The following GLIS3 variants were observed in gnomAD, a reference collection of about 807,000 sequenced individuals.
GLIS3 encodes zinc finger protein GLIS3.
Under a neutral mutation model 78.6 loss-of-function variants are expected in GLIS3, and 53 were observed. The ratio of observed to expected loss-of-function variants is 0.67; its 90% CI spans 0.54 to 0.85. The LOEUF is 0.85. Among genes scored for constraint, GLIS3 ranks in the 40% least tolerant of loss-of-function variants. The pLI, the probability that GLIS3 is intolerant of heterozygous loss-of-function variation, is 0.00. For synonymous variants in GLIS3, 684 were observed against 509.9 expected, an observed-to-expected ratio of 1.34 and a Z score of -4.60; for missense variants, 1,703 against 1,231.1, an observed-to-expected ratio of 1.38 and a Z score of -5.74.
At chr9:4,340,308 G>T in intron 2 of GLIS3, among the ~76,000 whole-genome samples, 1 of 83,784 alleles carries the variant, frequency 1.2e-5, no homozygotes, top group Non-Finnish European at 2.4e-5. Context: ...AAAAAAAAAA[G>T]TATGTCATTT....
At chr9:4,126,370 C>T (rs150479530) in intron 2 of GLIS3, among the ~76,000 whole-genome samples, 5 of 152,132 alleles carry the variant, frequency 3.3e-5, no homozygotes, top group Non-Finnish European at 7.4e-5. Flanking sequence ...TACTTCATTC[C>T]AAATCTGTAC....
the GLIS3 span, among the ~76,000 whole-genome samples, chr9:4,466,683 T>C: frequency 6.6e-6 from 1 of 152,170 alleles, no homozygotes; most frequent in East Asian, 1.9e-4. Context: ...GATGGCTGAA[T>C]AGGAACAGCT....
At chr9:4,385,698 G>A in the GLIS3 span, among the ~76,000 whole-genome samples, 16 of 108,938 alleles carry the variant, frequency 1.5e-4, 5 homozygotes, top group East Asian at 2.5e-4. Context: ...AAGAAAGAAA[G>A]AAACAAAGAA....
At chr9:4,079,173 G>T (rs1828333175) in intron 4 of GLIS3, among the ~76,000 whole-genome samples, 1 of 152,122 alleles carries the variant, frequency 6.6e-6, no homozygotes, top group Non-Finnish European at 1.5e-5. Flanking sequence ...ATTGCTTTTG[G>T]AGTAAATTCC....
At chr9:3,839,183 G>A (rs1818562649) in intron 9 of GLIS3, among the ~76,000 whole-genome samples, 1 of 152,174 alleles carries the variant, frequency 6.6e-6, no homozygotes, top group Non-Finnish European at 1.5e-5. Flanking sequence ...AGGAAATGTT[G>A]AGTGCCTTGC....
At chr9:4,338,140 T>A (rs893490532) in intron 2 of GLIS3, among the ~76,000 whole-genome samples, 1 of 151,916 alleles carries the variant, frequency 6.6e-6, no homozygotes, top group African/African-American at 2.4e-5. Flanking sequence ...CTGATTCTAA[T>A]CCTATCGCTT....
chr9:3,865,217 T>C (rs534910913), intron 8 of GLIS3, among the ~76,000 whole-genome samples: 38 of 152,328 alleles, frequency 2.5e-4, no homozygotes, highest in African/African-American at 8.9e-4. Flanking sequence ...CCAATGAACT[T>C]TGCCTCTGGG....
chr9:4,464,279 T>A, the GLIS3 span, among the ~76,000 whole-genome samples: 1 of 152,108 alleles, frequency 6.6e-6, no homozygotes, highest in Admixed American at 6.5e-5. Context: ...AATAAAATTG[T>A]TTTAGTTTCA....
chr9:4,487,702 T>TAA, the GLIS3 span, among the ~76,000 whole-genome samples: 16 of 149,722 alleles, frequency 1.1e-4, no homozygotes, highest in South Asian at 6.3e-4. Context: ...TTTTTTTTTT[T>TAA]AAATAGATAG....
At chr9:4,162,535 A>C (rs1018147138) in intron 2 of GLIS3, among the ~76,000 whole-genome samples, 1 of 152,138 alleles carries the variant, frequency 6.6e-6, no homozygotes, top group Admixed American at 6.5e-5. Flanking sequence ...TAGAAGCTTG[A>C]CCGTTTCAGA....
chr9:3,957,229 T>C (rs1817180659), intron 4 of GLIS3, among the ~76,000 whole-genome samples: 1 of 152,132 alleles, frequency 6.6e-6, no homozygotes. Flanking sequence ...TTCCCGAGAG[T>C]GTTTTACGCT....
At chr9:4,228,644 A>G (rs1387656344) in intron 2 of GLIS3, among the ~76,000 whole-genome samples, 3 of 152,244 alleles carry the variant, frequency 2.0e-5, no homozygotes. Context: ...TCCCCTATGT[A>G]TGCATGTATC....
chr9:4,011,059 C>T (rs747691778), intron 4 of GLIS3, among the ~76,000 whole-genome samples: 3 of 152,174 alleles, frequency 2.0e-5, no homozygotes, highest in Non-Finnish European at 4.4e-5. Flanking sequence ...GATGGACTGA[C>T]CACTCACTTA....
At chr9:3,899,422 C>T (rs895149684) in intron 6 of GLIS3, among the ~76,000 whole-genome samples, 9 of 69,088 alleles carry the variant, frequency 1.3e-4, no homozygotes, top group African/African-American at 4.3e-4. Context: ...TAAAGAGTTA[C>T]ATGTAAAAAA....
intron 1 of GLIS3, among the ~76,000 whole-genome samples, chr9:4,291,164 T>C (rs577237659): frequency 6.6e-6 from 1 of 152,262 alleles, no homozygotes; most frequent in East Asian, 1.9e-4. Context: ...ATTCTAAGAA[T>C]ATGAATATAT....
At chr9:3,963,611 G>T (rs1470443) in intron 4 of GLIS3, among the ~76,000 whole-genome samples, 8,519 of 152,180 alleles carry the variant, frequency 0.056, 787 homozygotes, top group African/African-American at 0.19. Flanking sequence ...GGAAAATTAA[G>T]TGCTGAATGA....
chr9:4,056,116 T>C (rs1049029350), intron 4 of GLIS3, among the ~76,000 whole-genome samples: 5 of 152,198 alleles, frequency 3.3e-5, no homozygotes, highest in African/African-American at 1.2e-4. Flanking sequence ...GCCGTGATTA[T>C]ATGCAGCCTA....
At chr9:4,357,585 G>GTC in the GLIS3 span, among the ~76,000 whole-genome samples, 1 of 151,800 alleles carries the variant, frequency 6.6e-6, no homozygotes, top group African/African-American at 2.4e-5. Context: ...GTGTGTGTGT[G>GTC]TGTGCATGTG....
At chr9:4,403,887 T>C in the GLIS3 span, among the ~76,000 whole-genome samples, 1 of 152,070 alleles carries the variant, frequency 6.6e-6, no homozygotes, top group Non-Finnish European at 1.5e-5. Flanking sequence ...ATAATAATAC[T>C]GAGTGAAAAT....
Sources: gnomAD v4.1 joint callset for allele counts (sites outside exome capture counted in the v4.1 genomes callset) on GRCh38, gnomAD v4.1.1 for gene constraint, MANE v1.5 for transcripts, NCBI Gene and HGNC (gene_info 2026-07-23, HGNC 2026-07-21) for gene names.